Variants in CNTN1 observed in about 807,000 individuals in gnomAD.
The protein encoded by CNTN1 is contactin 1.
In CNTN1, 38 loss-of-function variants were observed where a neutral mutation model predicts 126.4. The observed-to-expected ratio is 0.30, with a 90% confidence interval of 0.23 to 0.39. CNTN1 has a LOEUF of 0.39. CNTN1 is among the 10% of genes least tolerant of loss of function. CNTN1 has a pLI of 1.00. For synonymous variants in CNTN1, 413 were observed against 422.6 expected (o/e 0.98, Z 0.28); for missense variants, 1,009 against 1,248.4 (o/e 0.81, Z 2.89).
chr12:40,891,029 A>G (rs1197867668), intron 1 of CNTN1, among the ~76,000 whole-genome samples: 7 of 152,190 alleles, frequency 4.6e-5, no homozygotes. Flanking sequence ...GCAGGAACCA[A>G]CAACATTTGG....
chr12:40,985,470 T>C (rs1947934360), intron 16 of CNTN1, among the ~76,000 whole-genome samples: 1 of 152,178 alleles, frequency 6.6e-6, no homozygotes, highest in Admixed American at 6.6e-5. Context: ...CTTTAAGTAT[T>C]ATTTTTATTT....
chr12:40,826,072 A>T (rs1348959898), intron 1 of CNTN1, among the ~76,000 whole-genome samples: 1 of 152,172 alleles, frequency 6.6e-6, no homozygotes, highest in Non-Finnish European at 1.5e-5. Flanking sequence ...CTGGTTATGC[A>T]CTGTTGAATC....
intron 1 of CNTN1, among the ~76,000 whole-genome samples, chr12:40,781,172 C>A (rs574147148): frequency 5.9e-5 from 9 of 151,996 alleles, no homozygotes; most frequent in Admixed American, 5.3e-4. Flanking sequence ...CTATATTAGA[C>A]CTTCAAAGCC....
chr12:40,699,538 A>T (rs758737009), intron 1 of CNTN1, among the ~76,000 whole-genome samples: 2 of 152,232 alleles, frequency 1.3e-5, no homozygotes, highest in Non-Finnish European at 2.9e-5. Flanking sequence ...AAAAGGAAAG[A>T]GGAATGCATA....
chr12:40,892,813 G>A (rs1944286946), intron 1 of CNTN1, among the ~76,000 whole-genome samples: 1 of 152,002 alleles, frequency 6.6e-6, no homozygotes, highest in Admixed American at 6.6e-5. Flanking sequence ...GAAATGTAAA[G>A]GTCAAAACAT....
intron 1 of CNTN1, among the ~76,000 whole-genome samples, chr12:40,885,138 G>A (rs1387438697): frequency 1.3e-5 from 2 of 151,652 alleles, no homozygotes; most frequent in East Asian, 1.9e-4. Context: ...ATAAATGTAA[G>A]CCTGGTTTAA....
At chr12:40,860,046 G>A (rs544049818) in intron 1 of CNTN1, among the ~76,000 whole-genome samples, 1 of 152,148 alleles carries the variant, frequency 6.6e-6, no homozygotes, top group South Asian at 2.1e-4. Context: ...GTCTTCACCT[G>A]TTACAAACCC....
At chr12:40,962,742 A>G (rs1350083850) in intron 15 of CNTN1, among the ~76,000 whole-genome samples, 1 of 152,172 alleles carries the variant, frequency 6.6e-6, no homozygotes, top group Non-Finnish European at 1.5e-5. Flanking sequence ...AAGATGCTTG[A>G]GGAAAAGAGG....
chr12:40,707,068 A>AGTG, intron 1 of CNTN1, among the ~76,000 whole-genome samples: 1 of 150,664 alleles, frequency 6.6e-6, no homozygotes, highest in Non-Finnish European at 1.5e-5. Flanking sequence ...ACACACACAC[A>AGTG]CACACACACA....
intron 1 of CNTN1, among the ~76,000 whole-genome samples, chr12:40,881,253 T>A (rs1943859863): frequency 6.6e-6 from 1 of 151,916 alleles, no homozygotes; most frequent in African/African-American, 2.4e-5. Context: ...AAGGGTTGGA[T>A]GAAAGAACAC....
rs1046979390 is a variant in CNTN1 at position 40,886,405 on chromosome 12, A to T, written c.-76-21952A>T. On this transcript the variant is annotated intron_variant, in intron 1 of 23. Coordinates refer to ENST00000551295, the MANE Select transcript of CNTN1 (RefSeq NM_001843.4). ...GGAGATGTTATATAACCTTCATTAG[A>T]TTATTAAAAGGGCTTATGGCTGTAA... 1.1e-4 allele frequency among the ~76,000 whole-genome samples: 17 copies of T among 152,188 alleles called. No individual in the cohort carries two copies. The South Asian group carries it at 1.9e-3, about 17-fold the overall frequency.
chr12:40,828,968 T>A (rs1373565489), intron 1 of CNTN1, among the ~76,000 whole-genome samples: 1 of 152,186 alleles, frequency 6.6e-6, no homozygotes, highest in Non-Finnish European at 1.5e-5. Flanking sequence ...AAAAGAGTTT[T>A]ATTTCTTGTT....
intron 15 of CNTN1, among the ~76,000 whole-genome samples, chr12:40,970,320 G>GA (rs1052960932): frequency 1.2e-3 from 178 of 143,342 alleles, no homozygotes; most frequent in African/African-American, 3.7e-3. Context: ...GCGTTCAAAA[G>GA]AAAAAAAAAA....
In CNTN1 at chr12:40,783,353, G is replaced by C. The variant is rs74464703; in HGVS notation, c.-77+90761G>C. The stretch of plus-strand genomic sequence containing the variant: ...TGAGATCAAAAAATATATGTGAGAA[G>C]ATGCAAGCTGAAAGCCAGTCTTGCC... On this transcript the variant is annotated intron_variant, in intron 1 of 23. Transcript: ENST00000551295. 2.2e-4 allele frequency among the ~76,000 whole-genome samples: 34 copies of C among 152,124 alleles called. 1 individual carries two copies. In the East Asian group the frequency reaches 6.6e-3, roughly 29 times the overall value.
chr12:40,918,549 AT>A (rs1462082885), intron 3 of CNTN1, 89 bp from the exon 4 acceptor site: 29 of 1,207,444 alleles, frequency 2.4e-5, no homozygotes, highest in Admixed American at 7.7e-5. Flanking sequence ...TCTGTTTCTG[AT>A]TTTTTTCAAG....
chr12:40,957,169 GA>G (rs1485506004), intron 14 of CNTN1, among the ~76,000 whole-genome samples: 1 of 151,582 alleles, frequency 6.6e-6, no homozygotes, highest in Non-Finnish European at 1.5e-5. Flanking sequence ...TGAAGAAATG[GA>G]AAAACTAAAA....
At chr12:40,772,770 A>G (rs1251578272) in intron 1 of CNTN1, among the ~76,000 whole-genome samples, 2 of 151,922 alleles carry the variant, frequency 1.3e-5, no homozygotes. Flanking sequence ...AAACTGGAAA[A>G]GGAGGCTAAT....
intron 17 of CNTN1, among the ~76,000 whole-genome samples, chr12:41,001,779 T>C (rs1253819646): frequency 6.6e-6 from 1 of 152,156 alleles, no homozygotes; most frequent in Non-Finnish European, 1.5e-5. Flanking sequence ...TGTCTTCAAT[T>C]CATCTTGAGT....
intron 1 of CNTN1, among the ~76,000 whole-genome samples, chr12:40,851,457 G>T (rs912631448): frequency 6.6e-6 from 1 of 152,196 alleles, no homozygotes; most frequent in Non-Finnish European, 1.5e-5. Flanking sequence ...CAAAAAGGAA[G>T]TCTTATCCAT....
Sources: gnomAD v4.1 joint callset for allele counts (sites outside exome capture counted in the v4.1 genomes callset) on GRCh38, gnomAD v4.1.1 for gene constraint, MANE v1.5 for transcripts, NCBI Gene and HGNC (gene_info 2026-07-23, HGNC 2026-07-21) for gene names.